BRINP2: variants seen among roughly 807,000 people sequenced by gnomAD.
BRINP2 encodes the protein BMP/retinoic acid-inducible neural-specific protein 2.
In BRINP2, 21 loss-of-function variants were observed where a neutral mutation model predicts 69.2. The observed-to-expected ratio is 0.30, with a 90% confidence interval of 0.22 to 0.44. The LOEUF (loss-of-function observed/expected upper bound fraction) is 0.44. Ranked by LOEUF, BRINP2 falls within the 20% of genes least tolerant of loss-of-function variation. The probability of loss-of-function intolerance (pLI) is 1.00; values close to 1 mark genes in which losing one functional copy is unlikely to be tolerated. For missense variants in BRINP2, 877 were observed against 986.0 expected (o/e 0.89, Z 1.48); for synonymous variants, 380 against 394.1 (o/e 0.96, Z 0.42).
intron 1 of BRINP2, among the ~76,000 whole-genome samples, chr1:177,188,848 G>A (rs1478589434): frequency 6.6e-6 from 1 of 152,068 alleles, no homozygotes; most frequent in East Asian, 1.9e-4. Flanking sequence ...TATCTTTCCT[G>A]AGAGGTTTTT....
At chr1:177,211,737 T>C (rs1365372825) in intron 1 of BRINP2, among the ~76,000 whole-genome samples, 1 of 152,196 alleles carries the variant, frequency 6.6e-6, no homozygotes, top group Non-Finnish European at 1.5e-5. Context: ...AACTGACCAC[T>C]TGAGTAAGAT....
At chr1:177,201,439 A>G (rs897108964) in intron 1 of BRINP2, among the ~76,000 whole-genome samples, 1 of 152,236 alleles carries the variant, frequency 6.6e-6, no homozygotes, top group African/African-American at 2.4e-5. Flanking sequence ...CCCAAAAATG[A>G]GTCCTTGCCT....
intron 1 of BRINP2, among the ~76,000 whole-genome samples, chr1:177,184,268 T>G (rs1301075955): frequency 6.6e-6 from 1 of 151,806 alleles, no homozygotes; most frequent in East Asian, 1.9e-4. Flanking sequence ...GTCAGCAGGG[T>G]TTTTTCCCCA....
chr1:177,229,483 G>A (rs1009366706), intron 1 of BRINP2, among the ~76,000 whole-genome samples: 1 of 152,154 alleles, frequency 6.6e-6, no homozygotes, highest in East Asian at 1.9e-4. Context: ...CATAACATAA[G>A]GGTTAAGAGT....
intron 5 of BRINP2, chr1:177,275,294 T>G: frequency 2.2e-6 from 1 of 455,286 alleles, no homozygotes; most frequent in South Asian, 1.5e-5. Flanking sequence ...CTCAGAGCAA[T>G]TTAGTGCATT....
intron 1 of BRINP2, among the ~76,000 whole-genome samples, chr1:177,214,985 T>C (rs1282298558): frequency 6.6e-6 from 1 of 152,178 alleles, no homozygotes; most frequent in Non-Finnish European, 1.5e-5. Flanking sequence ...TAGCACACTG[T>C]GCAATAGATC....
In BRINP2 at chr1:177,255,248, C is replaced by G. The variant is rs542859798; in HGVS notation, c.270-671C>G. ...TGCAAACATGCAAAGCCATGCCACT[C>G]TCCTTGCTAAATTTGTTTTGTTTCA... On this transcript the variant is annotated intron_variant, in intron 2 of 7. Transcript: ENST00000361539. Among the ~76,000 whole-genome samples the G allele has an allele frequency of 3.9e-4, 59 of 152,296 alleles. No individual in the cohort carries two copies. In the South Asian group the frequency reaches 0.012, roughly 30 times the overall value.
rs552689258 is a variant in BRINP2, at chr1:177,171,275, A to C, written c.-534A>C. ...CTCTTTAGAGTTGGAAAGAAGGCAA[A>C]ATCTTGGGTTTCTCCTCGGCGGAGG... On this transcript the variant is annotated 5_prime_UTR_variant, in exon 1 of 8. Transcript: ENST00000361539. Among the ~76,000 whole-genome samples the C allele has an allele frequency of 3.3e-5, 5 of 152,182 alleles. No individual in the cohort carries two copies. In the South Asian group the frequency reaches 1.0e-3, roughly 32 times the overall value.
chr1:177,195,831 G>GGTA (rs767300841), intron 1 of BRINP2, among the ~76,000 whole-genome samples: 24 of 152,054 alleles, frequency 1.6e-4, no homozygotes, highest in Non-Finnish European at 2.1e-4. Context: ...ATGCCCTGTA[G>GGTA]GTAGCATTGT....
intron 4 of BRINP2, among the ~76,000 whole-genome samples, chr1:177,267,492 C>T (rs1264110244): frequency 2.0e-5 from 3 of 152,162 alleles, no homozygotes; most frequent in African/African-American, 7.2e-5. Flanking sequence ...TGGTCAATGC[C>T]ACCATGGCAG....
At chr1:177,272,339 A>G (rs143804800) in intron 4 of BRINP2, among the ~76,000 whole-genome samples, 34 of 152,344 alleles carry the variant, frequency 2.2e-4, no homozygotes, top group Admixed American at 3.9e-4. Flanking sequence ...AGGATGCAGT[A>G]CACAATGTGT....
At chr1:177,187,634 A>G (rs1648466325) in intron 1 of BRINP2, among the ~76,000 whole-genome samples, 1 of 152,122 alleles carries the variant, frequency 6.6e-6, no homozygotes, top group African/African-American at 2.4e-5. Flanking sequence ...AGCAGGCCTC[A>G]TGAAGGCCGC....
At chr1:177,222,836 G>T (rs1002239145) in intron 1 of BRINP2, among the ~76,000 whole-genome samples, 3 of 152,126 alleles carry the variant, frequency 2.0e-5, no homozygotes, top group African/African-American at 7.2e-5. Flanking sequence ...TGGAACAGCC[G>T]ATCAGGGGAG....
At chr1:177,272,101 T>C (rs1457039817) in intron 4 of BRINP2, among the ~76,000 whole-genome samples, 1 of 152,224 alleles carries the variant, frequency 6.6e-6, no homozygotes, top group African/African-American at 2.4e-5. Context: ...ACACTGTCCC[T>C]TCTCCTTTTC....
Position 177,280,749 on chromosome 1 carries a change from A to T in BRINP2, c.1573A>T (p.Ile525Phe). ...KYLLQKQDSRIEVHSIFISND... is the reference protein window; with the variant it reads ...KYLLQKQDSRFEVHSIFISND... ...CCTGCTGCAGAAGCAGGATAGCCGC[A>T]TTGAGGTACACTCCATCTTCATCAG... is the stretch of plus-strand genomic sequence containing the variant. The change falls in exon 8 of 8, where the codon ATT (isoleucine) becomes TTT (phenylalanine). Residue 525 changes from isoleucine to phenylalanine, a missense_variant. Physicochemically the swap from Ile to Phe is conservative, Grantham distance 21. This residue lies in a region of BRINP2 where 86 missense variants were observed against 142.1 expected (regional missense o/e 0.61). Coordinates refer to ENST00000361539, the MANE Select transcript of BRINP2 (RefSeq NM_021165.4). 2 of 1,614,202 alleles carry T rather than the reference A, an allele frequency of 1.2e-6. No homozygotes were observed. The highest frequency in any genetic ancestry group is 1.7e-6 in the Non-Finnish European group (2 of 1,180,026).
At chr1:177,215,626 C>T (rs551111234) in intron 1 of BRINP2, among the ~76,000 whole-genome samples, 2 of 152,094 alleles carry the variant, frequency 1.3e-5, no homozygotes. Context: ...ATAATCATAT[C>T]ATTAGCAAAC....
chr1:177,228,777 G>A (rs1649776719), intron 1 of BRINP2, among the ~76,000 whole-genome samples: 1 of 152,162 alleles, frequency 6.6e-6, no homozygotes, highest in Non-Finnish European at 1.5e-5. Context: ...CTGTGCATTT[G>A]CCCAGAGATT....
intron 1 of BRINP2, among the ~76,000 whole-genome samples, chr1:177,212,211 C>A (rs556287): frequency 0.31 from 47,577 of 151,966 alleles, 7,654 homozygotes; most frequent in East Asian, 0.39. Flanking sequence ...TTCAAGGTGG[C>A]TCTGTGTCCT....
intron 1 of BRINP2, among the ~76,000 whole-genome samples, chr1:177,181,832 G>A (rs575653764): frequency 6.6e-6 from 1 of 152,304 alleles, no homozygotes; most frequent in South Asian, 2.1e-4. Context: ...AGCCTCCTCC[G>A]GAAGCCTCGG....
Sources: gnomAD v4.1 joint callset for allele counts (sites outside exome capture counted in the v4.1 genomes callset) on GRCh38, gnomAD v4.1.1 for gene constraint, gnomAD v4.1.1 regional missense constraint, MANE v1.5 for transcripts, NCBI Gene and HGNC (gene_info 2026-07-23, HGNC 2026-07-21) for gene names.